OPCML: variants seen among roughly 807,000 people sequenced by gnomAD.
OPCML encodes opioid binding protein/cell adhesion molecule like, also known as opioid-binding protein/cell adhesion molecule.
Under a neutral mutation model 37.8 loss-of-function variants are expected in OPCML, and 13 were observed. The ratio of observed to expected loss-of-function variants is 0.34; its 90% CI spans 0.22 to 0.55. The LOEUF is 0.55. Ranked by LOEUF, OPCML falls within the 20% of genes least tolerant of loss-of-function variation. The probability of loss-of-function intolerance (pLI) is 0.91; values close to 1 mark genes in which losing one functional copy is unlikely to be tolerated. For missense variants in OPCML, 341 were observed against 435.6 expected, an observed-to-expected ratio of 0.78 and a Z score of 1.93; for synonymous variants, 176 against 168.8, an observed-to-expected ratio of 1.04 and a Z score of -0.33.
Position 132,656,008 on chromosome 11 carries a change from T to G in OPCML, c.379+1079A>C, listed in dbSNP as rs7131301. Reference sequence around the variant, plus strand: ...CTGATAAAAGGCAGATGCTAAAGACTAAATCACACATAGGGACCCTTTCTG... The same window carrying G: ...CTGATAAAAGGCAGATGCTAAAGACGAAATCACACATAGGGACCCTTTCTG... On this transcript the variant is annotated intron_variant, in intron 3 of 7. Coordinates refer to ENST00000524381, the MANE Select transcript of OPCML (RefSeq NM_001012393.5). Among the ~76,000 whole-genome samples the G allele has an allele frequency of 8.5e-3, 1,297 of 151,796 alleles. 13 individuals are homozygous for G. Among genetic ancestry groups the G allele is most frequent in the African/African-American group, 0.029 (1,193 of 41,394 alleles).
At chr11:132,691,125 A>T (rs1943384390) in intron 2 of OPCML, among the ~76,000 whole-genome samples, 1 of 152,194 alleles carries the variant, frequency 6.6e-6, no homozygotes, top group Non-Finnish European at 1.5e-5. Context: ...ACCCCACTTA[A>T]ATATAAGGAA....
At chr11:132,479,779 G>T (rs1005808238) in intron 4 of OPCML, among the ~76,000 whole-genome samples, 5 of 152,078 alleles carry the variant, frequency 3.3e-5, no homozygotes, top group South Asian at 4.2e-4. Flanking sequence ...ACACCTCACA[G>T]GGCCGGGTAC....
At chr11:133,344,389 C>G (rs568418303) in intron 1 of OPCML, among the ~76,000 whole-genome samples, 81 of 152,192 alleles carry the variant, frequency 5.3e-4, no homozygotes, top group Non-Finnish European at 7.6e-4. Context: ...TCTTGGCTAC[C>G]TAATGTTCAG....
intron 1 of OPCML, among the ~76,000 whole-genome samples, chr11:133,227,901 G>A (rs1446563482): frequency 6.6e-6 from 1 of 152,194 alleles, no homozygotes; most frequent in Non-Finnish European, 1.5e-5. Context: ...ACATGCAAAA[G>A]GAAGTTGGGT....
At chr11:133,292,061 TA>T (rs1158875521) in intron 1 of OPCML, among the ~76,000 whole-genome samples, 6 of 152,186 alleles carry the variant, frequency 3.9e-5, no homozygotes, top group Non-Finnish European at 8.8e-5. Flanking sequence ...GCAGAAGCTA[TA>T]AAAATATCAT....
At chr11:133,100,663 C>G (rs144831096) in intron 1 of OPCML, among the ~76,000 whole-genome samples, 1 of 152,180 alleles carries the variant, frequency 6.6e-6, no homozygotes, top group African/African-American at 2.4e-5. Flanking sequence ...TAGGCACACA[C>G]AAATACAGTA....
intron 1 of OPCML, among the ~76,000 whole-genome samples, chr11:133,155,111 T>TGGA (rs1318815622): frequency 5.3e-5 from 8 of 152,114 alleles, no homozygotes; most frequent in Non-Finnish European, 8.8e-5. Flanking sequence ...AGCAGAGAAC[T>TGGA]GGAGGAGGAG....
intron 1 of OPCML, among the ~76,000 whole-genome samples, chr11:133,170,712 G>A (rs535742806): frequency 4.6e-5 from 7 of 151,416 alleles, no homozygotes; most frequent in Non-Finnish European, 1.0e-4. Flanking sequence ...CTAAATGAGT[G>A]TTCTGCATTT....
At chr11:132,599,483 AG>A (rs1375976545) in intron 3 of OPCML, among the ~76,000 whole-genome samples, 1 of 151,918 alleles carries the variant, frequency 6.6e-6, no homozygotes, top group Non-Finnish European at 1.5e-5. Context: ...AGAAGAGGAA[AG>A]AAAAAGAGAC....
intron 1 of OPCML, among the ~76,000 whole-genome samples, chr11:133,074,590 C>T (rs1338327709): frequency 2.6e-5 from 4 of 152,166 alleles, no homozygotes; most frequent in African/African-American, 9.7e-5. Context: ...AGGATGGTAG[C>T]CATGGCCTGG....
intron 2 of OPCML, among the ~76,000 whole-genome samples, chr11:132,828,352 G>A (rs911704149): frequency 2.6e-5 from 4 of 152,004 alleles, no homozygotes; most frequent in African/African-American, 4.8e-5. Flanking sequence ...CCCAGCGAGC[G>A]CACAGCACCA....
chr11:133,325,333 G>T (rs1943425492), intron 1 of OPCML, among the ~76,000 whole-genome samples: 5 of 152,184 alleles, frequency 3.3e-5, no homozygotes, highest in Admixed American at 3.3e-4. Flanking sequence ...ATTATTTGGG[G>T]TGCTCATTCC....
intron 2 of OPCML, among the ~76,000 whole-genome samples, chr11:132,748,656 CT>C (rs1945728511): frequency 6.6e-6 from 1 of 152,096 alleles, no homozygotes; most frequent in African/African-American, 2.4e-5. Context: ...GGGGGGCAGC[CT>C]GTTCATAGAG....
At chr11:132,919,436 G>A (rs147472028) in intron 2 of OPCML, among the ~76,000 whole-genome samples, 4 of 152,264 alleles carry the variant, frequency 2.6e-5, no homozygotes, top group Non-Finnish European at 5.9e-5. Context: ...GGGAACTACT[G>A]GTCTAAGCTG....
intron 2 of OPCML, among the ~76,000 whole-genome samples, chr11:132,894,461 G>C (rs1477718056): frequency 6.6e-6 from 1 of 152,106 alleles, no homozygotes; most frequent in Non-Finnish European, 1.5e-5. Context: ...ATGACTTCAG[G>C]GGCCCACACC....
intron 1 of OPCML, among the ~76,000 whole-genome samples, chr11:133,196,247 G>T (rs1214987778): frequency 1.3e-5 from 2 of 152,200 alleles, no homozygotes; most frequent in Non-Finnish European, 2.9e-5. Context: ...CTGCCCCTGA[G>T]CCTTGCTAGG....
intron 3 of OPCML, among the ~76,000 whole-genome samples, chr11:132,651,795 GC>G (rs1941443020): frequency 6.6e-6 from 1 of 152,194 alleles, no homozygotes; most frequent in South Asian, 2.1e-4. Flanking sequence ...CATAGAAATT[GC>G]ATAAGCTTGC....
intron 1 of OPCML, among the ~76,000 whole-genome samples, chr11:133,504,773 A>G (rs1171342095): frequency 1.3e-5 from 2 of 152,236 alleles, no homozygotes; most frequent in Non-Finnish European, 1.5e-5. Flanking sequence ...TGTTTCTGAG[A>G]TACCAAATTG....
At chr11:133,051,940 C>T (rs986219253) in intron 1 of OPCML, among the ~76,000 whole-genome samples, 1 of 152,200 alleles carries the variant, frequency 6.6e-6, no homozygotes, top group Non-Finnish European at 1.5e-5. Context: ...AGCTCTGCCT[C>T]ACCTTACAGA....
Sources: allele counts gnomAD v4.1 joint callset (sites outside exome capture counted in the v4.1 genomes callset), GRCh38; gene constraint gnomAD v4.1.1; transcripts MANE v1.5; gene names NCBI Gene and HGNC (gene_info 2026-07-23, HGNC 2026-07-21).